Variants in AXDND1 observed in about 807,000 individuals in gnomAD.
AXDND1 encodes axonemal dynein light chain domain containing 1, also known as axonemal dynein light chain domain-containing protein 1.
In AXDND1, 110 loss-of-function variants were observed where a neutral mutation model predicts 137.5. That is an observed-to-expected ratio of 0.80 (90% confidence interval 0.69 to 0.94). The LOEUF (loss-of-function observed/expected upper bound fraction) is 0.94. Among genes scored for constraint, AXDND1 ranks in the 40% least tolerant of loss-of-function variants. The pLI is 0.00. For missense variants in AXDND1, 1,191 were observed against 1,169.8 expected, an observed-to-expected ratio of 1.02 and a Z score of -0.26; for synonymous variants, 414 against 399.7, an observed-to-expected ratio of 1.04 and a Z score of -0.43.
At chr1:179,394,113 T>C (rs1650638129) in intron 10 of AXDND1, 70 bp downstream of exon 10, 1 of 1,445,968 alleles carries the variant, frequency 6.9e-7, no homozygotes, top group South Asian at 1.5e-5. Flanking sequence ...GTAAAAAATA[T>C]TTAGGGAAAG....
chr1:179,390,867 T>C (rs76216910), intron 9 of AXDND1, among the ~76,000 whole-genome samples: 44,060 of 151,708 alleles, frequency 0.29, 6,546 homozygotes, highest in Non-Finnish European at 0.31. Context: ...AGCGCAATGG[T>C]GCAATCTTGG....
At chr1:179,509,034 C>T (rs913060174) in intron 20 of AXDND1, among the ~76,000 whole-genome samples, 3 of 152,120 alleles carry the variant, frequency 2.0e-5, no homozygotes, top group African/African-American at 7.2e-5. Flanking sequence ...GTAAATAAAA[C>T]AATCTTTTTG....
At chr1:179,375,413 T>C (rs114266172) in intron 4 of AXDND1, among the ~76,000 whole-genome samples, 1,678 of 151,946 alleles carry the variant, frequency 0.011, 45 homozygotes, top group African/African-American at 0.038. Context: ...CCCAACATAT[T>C]CTTTAATTAT....
intron 11 of AXDND1, among the ~76,000 whole-genome samples, chr1:179,407,193 G>A (rs939672958): frequency 6.6e-5 from 10 of 151,608 alleles, no homozygotes; most frequent in Admixed American, 3.9e-4. Context: ...GACTTTGCTA[G>A]GTACAGAATT....
intron 12 of AXDND1, among the ~76,000 whole-genome samples, chr1:179,429,040 C>T (rs919453125): frequency 6.6e-6 from 1 of 151,906 alleles, no homozygotes; most frequent in African/African-American, 2.4e-5. Flanking sequence ...AGCCAGGCAT[C>T]GTGGTGGGTG....
chr1:179,418,387 T>G (rs958290683), intron 12 of AXDND1, among the ~76,000 whole-genome samples: 2 of 152,368 alleles, frequency 1.3e-5, no homozygotes, highest in Non-Finnish European at 2.9e-5. Context: ...CCATGTCTAC[T>G]TCTTTCTACA....
chr1:179,465,903 G>A (rs1043190605), intron 16 of AXDND1, among the ~76,000 whole-genome samples: 1 of 152,192 alleles, frequency 6.6e-6, no homozygotes, highest in African/African-American at 2.4e-5. Flanking sequence ...GTCTCTGTGG[G>A]TGTCGGACCC....
At chr1:179,384,369 C>G (rs1025879938) in intron 8 of AXDND1, among the ~76,000 whole-genome samples, 1 of 152,084 alleles carries the variant, frequency 6.6e-6, no homozygotes, top group African/African-American at 2.4e-5. Flanking sequence ...AGGACATTCT[C>G]TTATATATCC....
chr1:179,541,011 G>A (rs998469180), intron 25 of AXDND1, among the ~76,000 whole-genome samples: 5 of 152,058 alleles, frequency 3.3e-5, no homozygotes, highest in East Asian at 1.9e-4. Context: ...CAGCAATAGC[G>A]AACGCTCTTC....
chr1:179,401,393 C>T (rs969978702), intron 11 of AXDND1, among the ~76,000 whole-genome samples: 1 of 152,004 alleles, frequency 6.6e-6, no homozygotes, highest in Non-Finnish European at 1.5e-5. Context: ...AGTATCCAAT[C>T]TAAGAACACA....
At chr1:179,534,577 A>C in intron 24 of AXDND1, 153 bp from the exon 25 acceptor site, 4 of 893,634 alleles carry the variant, frequency 4.5e-6, no homozygotes, top group African/African-American at 1.7e-5. Flanking sequence ...CTGGGCCCCC[A>C]GTTCTCAGTT....
At chr1:179,426,965 C>T (rs1656662563) in intron 12 of AXDND1, among the ~76,000 whole-genome samples, 1 of 151,936 alleles carries the variant, frequency 6.6e-6, no homozygotes, top group Admixed American at 6.6e-5. Context: ...AGTTTGAGAC[C>T]AGCCTGGCCA....
chr1:179,403,746 G>GT (rs1053072202), intron 11 of AXDND1, among the ~76,000 whole-genome samples: 1 of 152,070 alleles, frequency 6.6e-6, no homozygotes, highest in African/African-American at 2.4e-5. Flanking sequence ...GCTAATTTTT[G>GT]TATTTTTAGT....
chr1:179,374,986 TA>T (rs1668440542), intron 4 of AXDND1, among the ~76,000 whole-genome samples: 1 of 120,506 alleles, frequency 8.3e-6, no homozygotes, highest in African/African-American at 3.0e-5. Flanking sequence ...ATTTAAAAAA[TA>T]AATAAATAAA....
intron 15 of AXDND1, among the ~76,000 whole-genome samples, chr1:179,438,365 G>A (rs1014873808): frequency 5.3e-5 from 8 of 152,216 alleles, no homozygotes; most frequent in African/African-American, 9.6e-5. Flanking sequence ...CCATAGGACC[G>A]TGGATTTTAA....
At chr1:179,418,676 A>C (rs192686049) in intron 12 of AXDND1, among the ~76,000 whole-genome samples, 63,581 of 117,432 alleles carry the variant, frequency 0.54, 14,087 homozygotes, top group Middle Eastern at 0.59. Context: ...GGCCGACACC[A>C]CCACCTCCCT....
At chr1:179,381,941 T>TG (rs1201374968) in intron 6 of AXDND1, among the ~76,000 whole-genome samples, 1 of 67,850 alleles carries the variant, frequency 1.5e-5, no homozygotes, top group Non-Finnish European at 2.9e-5. Context: ...CCACCACACC[T>TG]AATTTTTTTT....
At chr1:179,482,766 A>G (rs1043354735) in intron 17 of AXDND1, among the ~76,000 whole-genome samples, 1 of 151,872 alleles carries the variant, frequency 6.6e-6, no homozygotes, top group Non-Finnish European at 1.5e-5. Context: ...TGCTCCTCAC[A>G]CTATCATGCT....
intron 10 of AXDND1, 98 bp from the exon 11 acceptor site, chr1:179,395,000 A>G: frequency 9.8e-7 from 1 of 1,019,634 alleles, no homozygotes; most frequent in Non-Finnish European, 1.5e-6. Flanking sequence ...GGTACACATG[A>G]TAACTGAGAA....
Sources: gnomAD v4.1 joint callset for allele counts (sites outside exome capture counted in the v4.1 genomes callset) on GRCh38, gnomAD v4.1.1 for gene constraint, MANE v1.5 for transcripts, NCBI Gene and HGNC (gene_info 2026-07-23, HGNC 2026-07-21) for gene names.